GTF2F2: variants seen among roughly 807,000 people sequenced by gnomAD.
The protein encoded by GTF2F2 is ATP-dependent helicase GTF2F2.
A neutral mutation model predicts 42.2 loss-of-function variants in GTF2F2; 23 were observed. The observed-to-expected ratio is 0.55, with a 90% CI of 0.39 to 0.77. The LOEUF (loss-of-function observed/expected upper bound fraction) is 0.77. GTF2F2 is among the 30% of genes least tolerant of loss of function. The pLI is 0.00. For missense variants in GTF2F2, 261 were observed against 287.2 expected, an observed-to-expected ratio of 0.91 and a Z score of 0.66; for synonymous variants, 105 against 100.8, an observed-to-expected ratio of 1.04 and a Z score of -0.25.
chr13:45,140,129 T>C (rs1869848374), intron 2 of GTF2F2, among the ~76,000 whole-genome samples: 1 of 151,978 alleles, frequency 6.6e-6, no homozygotes, highest in Admixed American at 6.5e-5. Context: ...TTTTTTTTTT[T>C]TCTCGTAGAG....
chr13:45,194,304 A>G (rs767161105), intron 4 of GTF2F2: 1 of 1,614,192 alleles, frequency 6.2e-7, no homozygotes, highest in Non-Finnish European at 8.5e-7. Context: ...AGTTTAGGAC[A>G]TGCCTGAAGA....
At chr13:45,213,574 T>C (rs1421577388) in intron 5 of GTF2F2, among the ~76,000 whole-genome samples, 1 of 152,242 alleles carries the variant, frequency 6.6e-6, no homozygotes, top group Non-Finnish European at 1.5e-5. Context: ...TTCATAGTTG[T>C]ATCCTCTACA....
chr13:45,262,678 C>T (rs557631738), intron 6 of GTF2F2, among the ~76,000 whole-genome samples: 2 of 152,290 alleles, frequency 1.3e-5, no homozygotes, highest in African/African-American at 4.8e-5. Flanking sequence ...CCCAGCCTCC[C>T]AAAGTGCTGA....
At chr13:45,261,100 T>C (rs1267096779) in intron 6 of GTF2F2, among the ~76,000 whole-genome samples, 1 of 151,854 alleles carries the variant, frequency 6.6e-6, no homozygotes, top group African/African-American at 2.4e-5. Context: ...CACTCCAGCC[T>C]AAGCAACAGA....
At position 45,169,513 on chromosome 13, in the gene GTF2F2, G is replaced by A. The variant is rs889347452; in HGVS notation, c.304+17682G>A. On this transcript the variant is annotated intron_variant, in intron 4 of 7. Transcript: ENST00000340473. ...GTGGAAATTTGTTATGGCAGCCCCA[G>A]CAAACTAATGCAGTGTGATTTAATA... Among the ~76,000 whole-genome samples the A allele has an allele frequency of 2.0e-5, 3 of 152,278 alleles. No individual in the cohort carries two copies. The South Asian group carries it at 6.2e-4, about 32-fold the overall frequency.
intron 6 of GTF2F2, 107 bp downstream of exon 6, chr13:45,253,077 A>G: frequency 1.9e-6 from 1 of 520,896 alleles, no homozygotes; most frequent in East Asian, 3.4e-5. Context: ...CCTTGCCATC[A>G]GGTGCTTGAA....
intron 4 of GTF2F2, among the ~76,000 whole-genome samples, chr13:45,179,098 G>T (rs933128073): frequency 6.6e-6 from 1 of 152,210 alleles, no homozygotes; most frequent in Non-Finnish European, 1.5e-5. Flanking sequence ...CTTGGAACTG[G>T]TGCAGCATCA....
At position 45,267,360 on chromosome 13, in the gene GTF2F2, T is replaced by A. The variant is rs1165733546; in HGVS notation, c.614T>A (p.Ile205Asn). The A allele has an allele frequency of 1.2e-6, 2 of 1,608,160 alleles. No homozygotes were observed. Among genetic ancestry groups the A allele is most frequent in the South Asian group, 2.2e-5 (2 of 90,508 alleles). ...TATAATCTTAAGGACTTGGTGGACA[T>A]CACAAAGCAACCTGTGGTATGTATA... is the stretch of plus-strand genomic sequence containing the variant. The part of the protein sequence containing the change: ...QYYNLKDLVD[I>N]TKQPVVYLKE... Residue 205 changes from isoleucine (I) to asparagine (N), a missense_variant, in exon 7 of 8, where the codon ATC becomes AAC. Coordinates refer to ENST00000340473, the MANE Select transcript of GTF2F2 (RefSeq NM_004128.3).
chr13:45,221,363 CT>C (rs1268788677), intron 5 of GTF2F2, among the ~76,000 whole-genome samples: 1 of 152,150 alleles, frequency 6.6e-6, no homozygotes, highest in Non-Finnish European at 1.5e-5. Context: ...AAGTTCAGGA[CT>C]GACTATATAA....
intron 7 of GTF2F2, among the ~76,000 whole-genome samples, 198 bp from the exon 8 acceptor site, chr13:45,283,244 A>G (rs9595285): frequency 0.016 from 2,479 of 152,180 alleles, 36 homozygotes; most frequent in African/African-American, 0.041. Context: ...GCACATGATC[A>G]TATATTTAGT....
chr13:45,121,372 G>T (rs557963299), intron 1 of GTF2F2, among the ~76,000 whole-genome samples: 110 of 152,304 alleles, frequency 7.2e-4, no homozygotes, highest in African/African-American at 2.5e-3. Flanking sequence ...ATTGGGGAGT[G>T]TTTTCTCCTA....
At chr13:45,201,760 G>A (rs1873196333) in intron 4 of GTF2F2, among the ~76,000 whole-genome samples, 1 of 152,278 alleles carries the variant, frequency 6.6e-6, no homozygotes, top group Admixed American at 6.5e-5. Context: ...GCCAAAAAAG[G>A]AGTGCGGGGG....
chr13:45,179,075 C>T (rs911231779), intron 4 of GTF2F2, among the ~76,000 whole-genome samples: 9 of 152,182 alleles, frequency 5.9e-5, no homozygotes, highest in Non-Finnish European at 1.5e-5. Flanking sequence ...TGCTAAGTCT[C>T]TTAAGGACTG....
chr13:45,241,153 C>G (rs997156127), intron 5 of GTF2F2, among the ~76,000 whole-genome samples: 4 of 147,612 alleles, frequency 2.7e-5, no homozygotes, highest in African/African-American at 1.0e-4. Context: ...CAGAATGAGA[C>G]CTTGCCTTAA....
At position 45,160,073 on chromosome 13, in the gene GTF2F2, T is replaced by C. The variant is rs182528238; in HGVS notation, c.304+8242T>C. 4.8e-3 allele frequency among the ~76,000 whole-genome samples: 724 copies of C among 152,374 alleles called. 2 individuals carry two copies. The highest frequency in any genetic ancestry group is 7.0e-3 in the Non-Finnish European group (479 of 68,038). ...CATAATTTAATTACTGTTGTCACTT[T>C]AATGGAGCATTTCTTAAACTTTTTG... On this transcript the variant is annotated intron_variant, in intron 4 of 7. Coordinates refer to ENST00000340473, the MANE Select transcript of GTF2F2 (RefSeq NM_004128.3).
At chr13:45,228,436 A>G (rs560474292) in intron 5 of GTF2F2, among the ~76,000 whole-genome samples, 35 of 150,288 alleles carry the variant, frequency 2.3e-4, no homozygotes, top group Admixed American at 2.1e-3. Flanking sequence ...AGTAGCTTGT[A>G]GCTTTTTCCT....
chr13:45,263,362 GAGACT>G (rs1342592183), intron 6 of GTF2F2, among the ~76,000 whole-genome samples: 1 of 151,968 alleles, frequency 6.6e-6, no homozygotes, highest in African/African-American at 2.4e-5. Context: ...CCGAGTAGCT[GAGACT>G]TCAGGCGCCC....
At chr13:45,175,560 C>T (rs1871835426) in intron 4 of GTF2F2, among the ~76,000 whole-genome samples, 1 of 152,192 alleles carries the variant, frequency 6.6e-6, no homozygotes, top group Non-Finnish European at 1.5e-5. Context: ...TAAACAGCAT[C>T]AGTATCTGTA....
chr13:45,223,643 TA>T, intron 5 of GTF2F2, among the ~76,000 whole-genome samples: 1 of 152,272 alleles, frequency 6.6e-6, no homozygotes, highest in Admixed American at 6.5e-5. Context: ...TCCTTTTTCA[TA>T]AAAAACTATT....
Sources: gnomAD v4.1 joint callset for allele counts (sites outside exome capture counted in the v4.1 genomes callset) on GRCh38, gnomAD v4.1.1 for gene constraint, MANE v1.5 for transcripts, NCBI Gene and HGNC (gene_info 2026-07-23, HGNC 2026-07-21) for gene names.